Variants in GAB1 observed in about 807,000 individuals in gnomAD.
GAB1 encodes the protein GRB2 associated binding protein 1.
GAB1 carries 19 observed loss-of-function variants against 66.5 expected under a neutral mutation model. That is an observed-to-expected ratio of 0.29 (90% confidence interval 0.20 to 0.42). The LOEUF is 0.42. Ranked by LOEUF, GAB1 falls within the 10% of genes least tolerant of loss-of-function variation. The pLI is 1.00. For missense variants in GAB1, 732 were observed against 858.5 expected, an observed-to-expected ratio of 0.85 and a Z score of 1.84; for synonymous variants, 294 against 301.4, an observed-to-expected ratio of 0.98 and a Z score of 0.25.
chr4:143,425,551 A>T lies in GAB1; in HGVS notation c.368-7940A>T, dbSNP rs141702089. On this transcript the variant is annotated intron_variant, in intron 2 of 9. Coordinates refer to ENST00000262994, the MANE Select transcript of GAB1 (RefSeq NM_002039.4). ...ATCCCATGCAACAACAAGGGAGCTC[A>T]CTCCGTGGGTTTGATGTGGATGCTG... 1.9e-4 allele frequency: 146 copies of T among 762,828 alleles called. No homozygotes were observed. The East Asian group carries it at 3.4e-3, about 18-fold the overall frequency. 47.3% of individuals were successfully genotyped at this position (762,828 alleles called of 1,614,324 possible). A position where few individuals can be genotyped will look rare whatever the true frequency, so the allele number is the denominator to read the frequency against.
rs144852070 is a variant in GAB1 at position 143,457,595 on chromosome 4, C to CTT, written c.1586-1771_1586-1770dup. Reference sequence around the variant, plus strand: ...AACATTTTTGCACAGGGCTCTGTTGCTTTTTTTTTTTTTTTTTTTTACAGA... The same window carrying CTT: ...AACATTTTTGCACAGGGCTCTGTTGCTTTTTTTTTTTTTTTTTTTTTTACAGA... On this transcript the variant is annotated intron_variant, in intron 6 of 9. Coordinates refer to ENST00000262994, the MANE Select transcript of GAB1 (RefSeq NM_002039.4). 914 of 294,452 alleles carry CTT rather than the reference C, an allele frequency of 3.1e-3. 5 individuals are homozygous for CTT. The highest frequency in any genetic ancestry group is 0.015 in the African/African-American group (500 of 34,364). 18.2% of individuals were successfully genotyped at this position (294,452 alleles called of 1,614,324 possible).
chr4:143,466,481 T>C (rs13109850), intron 9 of GAB1, among the ~76,000 whole-genome samples: 1 of 61,424 alleles, frequency 1.6e-5, no homozygotes, highest in Non-Finnish European at 3.5e-5. Context: ...TAACAAATTC[T>C]TTTTTTTTTT....
intron 6 of GAB1, among the ~76,000 whole-genome samples, chr4:143,442,580 C>G (rs1265278968): frequency 6.6e-6 from 1 of 151,914 alleles, no homozygotes; most frequent in East Asian, 1.9e-4. Flanking sequence ...CTCATGTATC[C>G]CACATTATTA....
chr4:143,350,214 C>T lies in GAB1; in HGVS notation c.72+12954C>T, dbSNP rs571029416. The T allele has an allele frequency of 1.4e-4, 82 of 607,396 alleles. 1 individual carries two copies. The highest frequency in any genetic ancestry group is 1.2e-3 in the Admixed American group (40 of 34,588). 37.6% of individuals were successfully genotyped at this position (607,396 alleles called of 1,614,324 possible). A position where few individuals can be genotyped will look rare whatever the true frequency, so the allele number is the denominator to read the frequency against. ...GTATCATGGGCCCCAAGCACTGTGCCTTCTGTCTGATGGATACGTTGGCCC... is the reference window on the plus strand; with the variant it reads ...GTATCATGGGCCCCAAGCACTGTGCTTTCTGTCTGATGGATACGTTGGCCC... On this transcript the variant is annotated intron_variant, in intron 1 of 9. Transcript: ENST00000262994.
chr4:143,343,828 T>C (rs1728903325), intron 1 of GAB1, among the ~76,000 whole-genome samples: 1 of 152,166 alleles, frequency 6.6e-6, no homozygotes, highest in Admixed American at 6.5e-5. Flanking sequence ...TGAGTTTAGA[T>C]GTCCTCATGA....
chr4:143,417,543 A>C (rs1026809963), intron 2 of GAB1: 5 of 301,370 alleles, frequency 1.7e-5, no homozygotes, highest in Non-Finnish European at 3.3e-5. Context: ...GAGTAGCTGG[A>C]ATTACAGGTG....
intron 1 of GAB1, among the ~76,000 whole-genome samples, chr4:143,381,096 C>T (rs1208005708): frequency 6.6e-6 from 1 of 152,200 alleles, no homozygotes; most frequent in Non-Finnish European, 1.5e-5. Flanking sequence ...AGGACACTTT[C>T]TGTAGTGGGA....
intron 1 of GAB1, among the ~76,000 whole-genome samples, chr4:143,406,959 C>A (rs909150897): frequency 2.6e-5 from 4 of 152,058 alleles, no homozygotes; most frequent in Non-Finnish European, 4.4e-5. Context: ...TTAATACAGC[C>A]ATGAGGTGAC....
chr4:143,387,508 T>C (rs3792653), intron 1 of GAB1, among the ~76,000 whole-genome samples: 1 of 151,994 alleles, frequency 6.6e-6, no homozygotes, highest in Non-Finnish European at 1.5e-5. Flanking sequence ...GGTAAAGGGA[T>C]GAAGGCACAG....
intron 1 of GAB1, among the ~76,000 whole-genome samples, chr4:143,379,160 T>C (rs1433694525): frequency 6.6e-6 from 1 of 151,952 alleles, no homozygotes; most frequent in Non-Finnish European, 1.5e-5. Flanking sequence ...TGTAACAGAG[T>C]TATGCATATA....
chr4:143,443,533 G>A (rs1277802839), intron 6 of GAB1, among the ~76,000 whole-genome samples: 3 of 152,160 alleles, frequency 2.0e-5, no homozygotes, highest in Admixed American at 1.3e-4. Context: ...ATAATGTCTC[G>A]TTTGGTCCTA....
chr4:143,356,504 C>G (rs1038453140), intron 1 of GAB1, among the ~76,000 whole-genome samples: 1 of 152,170 alleles, frequency 6.6e-6, no homozygotes, highest in African/African-American at 2.4e-5. Context: ...GTGGGAGTCA[C>G]TTGAATATCA....
intron 2 of GAB1, among the ~76,000 whole-genome samples, chr4:143,431,798 A>G (rs1045531870): frequency 2.6e-5 from 4 of 152,182 alleles, no homozygotes; most frequent in Non-Finnish European, 5.9e-5. Context: ...TTTGCTACTG[A>G]CCATACAGAA....
Position 143,438,389 on chromosome 4 carries a change from G to C in GAB1, c.984G>C (p.Leu328Phe), listed in dbSNP as rs1481752018. Residue 328 changes from leucine (L) to phenylalanine (F), a missense_variant, in exon 4 of 10, where the codon TTG (leucine) becomes TTC (phenylalanine). Leu to Phe is a conservative substitution (Grantham distance 22). Around this residue, in one of 4 missense-constraint regions of GAB1, gnomAD observed 427 missense variants for 420.6 expected, o/e 1.02. Transcript: ENST00000262994. The part of the protein sequence containing the change: ...QIPRTFPEGT[L>F]GQTSKLDTIP... The stretch of plus-strand genomic sequence containing the variant: ...CACGAACATTTCCAGAAGGAACCTT[G>C]GGACAGACATCAAAGCTAGACACTA... 2.5e-6 allele frequency: 4 copies of C among 1,613,972 alleles called. No homozygotes were observed.
intron 1 of GAB1, among the ~76,000 whole-genome samples, chr4:143,373,857 G>GTAAATAAA (rs1231332592): frequency 7.4e-5 from 4 of 53,832 alleles, no homozygotes; most frequent in Non-Finnish European, 1.5e-4. Flanking sequence ...CTCTCTCTCT[G>GTAAATAAA]TAAATAAATA....
chr4:143,380,223 C>A (rs1197303248), intron 1 of GAB1, among the ~76,000 whole-genome samples: 1 of 151,722 alleles, frequency 6.6e-6, no homozygotes, highest in African/African-American at 2.4e-5. Context: ...ATTCTGTGTA[C>A]AAAAGTCTCA....
In GAB1 at chr4:143,471,081, T is replaced by C. The variant is rs1736058349; in HGVS notation, c.*1892T>C. Reference sequence around the variant, plus strand: ...ACACGATACAGCTAATGTGTAAAGATGCTAAATTCTGTTACTTGGAGGATG... The same window carrying C: ...ACACGATACAGCTAATGTGTAAAGACGCTAAATTCTGTTACTTGGAGGATG... On this transcript the variant is annotated 3_prime_UTR_variant, in exon 10 of 10. Coordinates refer to ENST00000262994, the MANE Select transcript of GAB1 (RefSeq NM_002039.4). 1 of 152,212 alleles carries C rather than the reference T, an allele frequency of 6.6e-6. No homozygotes were observed. Among genetic ancestry groups the C allele is most frequent in the African/African-American group, 2.4e-5 (1 of 41,460 alleles). The allele number at this position is 152,212 out of a possible 1,614,324, so 9.4% of individuals were successfully genotyped here.
At chr4:143,420,484 A>G (rs1279775155) in intron 2 of GAB1, among the ~76,000 whole-genome samples, 1 of 152,142 alleles carries the variant, frequency 6.6e-6, no homozygotes, top group Admixed American at 6.5e-5. Context: ...AAGTGCTGGC[A>G]GGCTATATCT....
At chr4:143,408,982 T>G (rs1732215299) in intron 1 of GAB1, among the ~76,000 whole-genome samples, 1 of 152,210 alleles carries the variant, frequency 6.6e-6, no homozygotes, top group Non-Finnish European at 1.5e-5. Context: ...TTCAGCTATC[T>G]GGACAAGGTA....
Sources: gnomAD v4.1 joint callset for allele counts (sites outside exome capture counted in the v4.1 genomes callset) on GRCh38, gnomAD v4.1.1 for gene constraint, gnomAD v4.1.1 regional missense constraint, MANE v1.5 for transcripts, NCBI Gene and HGNC (gene_info 2026-07-23, HGNC 2026-07-21) for gene names.